The following KIT variants were observed in gnomAD, a reference collection of about 807,000 sequenced individuals.
KIT encodes KIT proto-oncogene, receptor tyrosine kinase, also known as mast/stem cell growth factor receptor Kit.
A neutral mutation model predicts 105.7 loss-of-function variants in KIT; 16 were observed. The observed-to-expected ratio is 0.15, with a 90% CI of 0.10 to 0.23. The LOEUF is 0.23. KIT is among the 10% of genes least tolerant of loss of function. KIT has a pLI of 1.00. For missense variants in KIT, 858 were observed against 1,213.8 expected, an observed-to-expected ratio of 0.71 and a Z score of 4.36; for synonymous variants, 438 against 441.1, an observed-to-expected ratio of 0.99 and a Z score of 0.09.
At chr4:54,712,129 T>C (rs1276879485) in intron 7 of KIT, among the ~76,000 whole-genome samples, 1 of 152,152 alleles carries the variant, frequency 6.6e-6, no homozygotes, top group African/African-American at 2.4e-5. Context: ...TCTCAACCTT[T>C]CTATGTTAAA....
chr4:54,727,738 T>A (rs1239057600), intron 11 of KIT, 85 bp from the exon 12 acceptor site: 1 of 1,318,698 alleles, frequency 7.6e-7, no homozygotes, highest in African/African-American at 1.5e-5. Flanking sequence ...TTTAATTCCT[T>A]TATTGATTTT....
intron 5 of KIT, among the ~76,000 whole-genome samples, chr4:54,704,743 A>G (rs924303913): frequency 1.3e-5 from 2 of 152,144 alleles, no homozygotes; most frequent in Admixed American, 6.5e-5. Context: ...TAGTACAACC[A>G]TATTCCTAGT....
intron 1 of KIT, among the ~76,000 whole-genome samples, chr4:54,681,562 G>A (rs1718919773): frequency 6.6e-6 from 1 of 152,118 alleles, no homozygotes; most frequent in African/African-American, 2.4e-5. Context: ...GTCCTATGAA[G>A]GTCTTTGCTG....
At chr4:54,688,456 G>A (rs1030015925) in intron 1 of KIT, among the ~76,000 whole-genome samples, 2 of 151,370 alleles carry the variant, frequency 1.3e-5, no homozygotes, top group East Asian at 2.0e-4. Context: ...TTTCTTCCCC[G>A]CCATTATTTT....
At position 54,738,975 on chromosome 4, in the gene KIT, C is replaced by T; in HGVS notation, c.*418C>T. ...ATGATACAAGATTAGAAGCTGAAAA[C>T]CTAAGTCCTTTATGTGGAAAACAGA... is the stretch of plus-strand genomic sequence containing the variant. On this transcript the variant is annotated 3_prime_UTR_variant, in exon 21 of 21. Coordinates refer to ENST00000288135, the MANE Select transcript of KIT (RefSeq NM_000222.3). 1 of 504,556 alleles carries T rather than the reference C, an allele frequency of 2.0e-6. No homozygotes were observed. Among genetic ancestry groups the T allele is most frequent in the Non-Finnish European group, 3.5e-6 (1 of 289,294 alleles). 31.3% of individuals were successfully genotyped at this position (504,556 alleles called of 1,614,324 possible).
intron 1 of KIT, among the ~76,000 whole-genome samples, chr4:54,661,444 A>C (rs924952027): frequency 3.4e-4 from 52 of 152,174 alleles, no homozygotes; most frequent in African/African-American, 1.2e-3. Flanking sequence ...CTTCCAGCTG[A>C]TTAAAGAAGG....
intron 20 of KIT, among the ~76,000 whole-genome samples, 184 bp downstream of exon 20, chr4:54,737,464 G>C (rs1204001892): frequency 6.6e-6 from 1 of 152,148 alleles, no homozygotes; most frequent in African/African-American, 2.4e-5. Context: ...CAGCCCTCCT[G>C]TTCTGAGCCA....
intron 15 of KIT, 92 bp downstream of exon 15, chr4:54,731,511 A>G (rs1017599522): frequency 1.1e-5 from 10 of 922,018 alleles, no homozygotes; most frequent in East Asian, 4.9e-5. Flanking sequence ...CCCAGTAGCA[A>G]TGATGCAGAC....
intron 1 of KIT, among the ~76,000 whole-genome samples, chr4:54,677,777 T>A (rs968524628): frequency 3.3e-5 from 5 of 152,252 alleles, no homozygotes; most frequent in African/African-American, 1.2e-4. Context: ...AAGCAACAGC[T>A]GTGCAACATT....
chr4:54,697,331 A>G (rs974482598), intron 2 of KIT, among the ~76,000 whole-genome samples: 5 of 152,346 alleles, frequency 3.3e-5, no homozygotes, highest in Non-Finnish European at 5.9e-5. Flanking sequence ...TGTCAAGTTC[A>G]TTTTGTGAAA....
At chr4:54,681,003 TG>T (rs764313339) in intron 1 of KIT, among the ~76,000 whole-genome samples, 10 of 152,056 alleles carry the variant, frequency 6.6e-5, no homozygotes, top group African/African-American at 2.4e-4. Context: ...TCCTAGGTCT[TG>T]GGGGGGTGAA....
intron 7 of KIT, among the ~76,000 whole-genome samples, chr4:54,709,904 A>G (rs1245983058): frequency 6.6e-6 from 1 of 152,196 alleles, no homozygotes. Flanking sequence ...GGTAGGGAAG[A>G]GATGCTATCG....
chr4:54,739,574 A>G lies in KIT; in HGVS notation c.*1017A>G, dbSNP rs979051745. ...AGGAGTGGGAAAACACTGCCATCTT[A>G]GTTTGGATTCTTATGTAGCAGGAAA... is the stretch of plus-strand genomic sequence containing the variant. On this transcript the variant is annotated 3_prime_UTR_variant, in exon 21 of 21. Transcript: ENST00000288135. The G allele has an allele frequency of 4.3e-6, 1 of 233,528 alleles. No homozygotes were observed. The highest frequency in any genetic ancestry group is 6.0e-5 in the East Asian group (1 of 16,546). The allele number at this position is 233,528 out of a possible 1,614,324, so 14.5% of individuals were successfully genotyped here.
chr4:54,690,934 T>C (rs1229237795), intron 1 of KIT, among the ~76,000 whole-genome samples: 2 of 152,266 alleles, frequency 1.3e-5, no homozygotes, highest in Admixed American at 6.5e-5. Flanking sequence ...AATGTGAGTT[T>C]ATAAATCATT....
At chr4:54,683,499 C>A (rs1016387926) in intron 1 of KIT, among the ~76,000 whole-genome samples, 12 of 152,254 alleles carry the variant, frequency 7.9e-5, no homozygotes, top group South Asian at 6.2e-4. Flanking sequence ...GTGGGGAAGA[C>A]AAAACCCCCA....
rs202077451 is a variant in KIT at position 54,733,040 on chromosome 4, A to G, written c.2362-30A>G. ...TCTTTACAAGTTAAAATGAATTTAAATGGTTTTCTTTTCTCCTCCAACCTA... is the reference window on the plus strand; with the variant it reads ...TCTTTACAAGTTAAAATGAATTTAAGTGGTTTTCTTTTCTCCTCCAACCTA... On this transcript the variant is annotated intron_variant, in intron 16 of 20. Coordinates refer to ENST00000288135, the MANE Select transcript of KIT (RefSeq NM_000222.3). 1.2e-4 allele frequency: 184 copies of G among 1,598,210 alleles called. 1 individual carries two copies. The African/African-American group carries it at 2.1e-3, about 18-fold the overall frequency.
At chr4:54,720,835 G>T (rs972727003) in intron 7 of KIT, among the ~76,000 whole-genome samples, 2 of 152,130 alleles carry the variant, frequency 1.3e-5, no homozygotes, top group Non-Finnish European at 2.9e-5. Context: ...CCATCTTTGT[G>T]TAGACTGGTC....
At chr4:54,692,748 C>T (rs1178723910) in intron 1 of KIT, among the ~76,000 whole-genome samples, 2 of 152,236 alleles carry the variant, frequency 1.3e-5, no homozygotes, top group Non-Finnish European at 2.9e-5. Flanking sequence ...CTTGCTGCCA[C>T]ATTTAGATGC....
chr4:54,733,230 AT>A (rs2109802442), intron 17 of KIT, 38 bp downstream of exon 17: 1 of 1,605,410 alleles, frequency 6.2e-7, no homozygotes, highest in Non-Finnish European at 8.5e-7. Context: ...CCTGCAAAGG[AT>A]TTTTAGTTTC....
Sources: allele counts gnomAD v4.1 joint callset (sites outside exome capture counted in the v4.1 genomes callset), GRCh38; gene constraint gnomAD v4.1.1; transcripts MANE v1.5; gene names NCBI Gene and HGNC (gene_info 2026-07-23, HGNC 2026-07-21).